DNTT: variants seen among roughly 807,000 people sequenced by gnomAD.
DNTT encodes the protein DNA nucleotidylexotransferase, also known as nucleosidetriphosphate:DNA deoxynucleotidylexotransferase.
DNTT carries 47 observed loss-of-function variants against 60.9 expected under a neutral mutation model. The ratio of observed to expected loss-of-function variants is 0.77; its 90% CI spans 0.61 to 0.98. The LOEUF is 0.98. DNTT is among the 50% of genes least tolerant of loss of function. The pLI, the probability that DNTT is intolerant of heterozygous loss-of-function variation, is 0.00. For missense variants in DNTT, 665 were observed against 627.5 expected (o/e 1.06, Z -0.64); for synonymous variants, 224 against 221.2 (o/e 1.01, Z -0.11).
rs190441764 is a variant in DNTT, at chr10:96,335,595, C to T, written c.1360-296C>T. ...AGGCATTATCCTGGTAGAACGCTCA[C>T]GCTATTCATTTATTCATTCAATAAA... On this transcript the variant is annotated intron_variant, in intron 9 of 10. Coordinates refer to ENST00000371174, the MANE Select transcript of DNTT (RefSeq NM_004088.4). 1.5e-3 allele frequency among the ~76,000 whole-genome samples: 225 copies of T among 152,332 alleles called. 1 individual carries two copies. The highest frequency in any genetic ancestry group is 2.8e-3 in the Non-Finnish European group (190 of 68,034).
At chr10:96,308,863 G>A (rs969086074) in intron 1 of DNTT, among the ~76,000 whole-genome samples, 3 of 152,174 alleles carry the variant, frequency 2.0e-5, no homozygotes, top group South Asian at 4.1e-4. Context: ...AAATACATTC[G>A]TTAGGGTGAG....
chr10:96,305,050 G>A (rs1844618023), intron 1 of DNTT, among the ~76,000 whole-genome samples: 1 of 152,136 alleles, frequency 6.6e-6, no homozygotes, highest in Non-Finnish European at 1.5e-5. Flanking sequence ...AAGTATCACT[G>A]GGTTCAACAA....
At chr10:96,331,679 G>T (rs1307357937) in intron 8 of DNTT, among the ~76,000 whole-genome samples, 2 of 152,188 alleles carry the variant, frequency 1.3e-5, no homozygotes, top group Non-Finnish European at 2.9e-5. Context: ...CAACATTGGG[G>T]ATCAAATTTC....
rs776602782 is a variant in DNTT at position 96,327,596 on chromosome 10, C to T, written c.1003C>T (p.Arg335Trp). The T allele has an allele frequency of 1.9e-5, 30 of 1,612,466 alleles. No homozygotes were observed. Among genetic ancestry groups the T allele is most frequent in the East Asian group, 1.3e-4 (6 of 44,870 alleles). ...DAFVTMTGGFRRGKKMGHDVD... is the reference protein window; with the variant it reads ...DAFVTMTGGFWRGKKMGHDVD... ...TTTCGTCACCATGACAGGAGGGTTC[C>T]GGAGGTAAATAACTTGGGTGGCTTT... Residue 335 changes from arginine to tryptophan, a missense_variant, in exon 7 of 11, where the codon CGG becomes TGG. Transcript: ENST00000371174.
rs1231982915 is a variant in DNTT, at chr10:96,319,221, A to G, written c.379-41A>G. 15 of 1,605,534 alleles carry G rather than the reference A, an allele frequency of 9.3e-6. No individual in the cohort carries two copies. In the East Asian group the frequency reaches 3.1e-4, roughly 33 times the overall value. On this transcript the variant is annotated intron_variant, in intron 2 of 10. Transcript: ENST00000371174. ...TTTTCCGTACATATCTGTTATTACT[A>G]TTAATTTTTATTGAAAATGGATGCT...
chr10:96,329,202 A>G (rs548510835), intron 8 of DNTT, among the ~76,000 whole-genome samples: 1 of 152,370 alleles, frequency 6.6e-6, no homozygotes, highest in South Asian at 2.1e-4. Context: ...AGGACTGCAA[A>G]GACTGGGATA....
intron 8 of DNTT, 122 bp downstream of exon 8, chr10:96,328,952 G>A: frequency 9.8e-7 from 1 of 1,024,756 alleles, no homozygotes; most frequent in South Asian, 1.7e-5. Flanking sequence ...ATTTGTGGCA[G>A]CTTATACAAA....
At chr10:96,313,392 C>T (rs1844744693) in intron 1 of DNTT, among the ~76,000 whole-genome samples, 1 of 151,808 alleles carries the variant, frequency 6.6e-6, no homozygotes, top group Admixed American at 6.6e-5. Context: ...ATATTTTCCC[C>T]CAAGTAGAAA....
chr10:96,329,931 C>A (rs1454220587), intron 8 of DNTT, among the ~76,000 whole-genome samples: 3 of 152,174 alleles, frequency 2.0e-5, no homozygotes, highest in Non-Finnish European at 4.4e-5. Flanking sequence ...CCGCTCTGTA[C>A]CCTGGGGAGG....
At position 96,338,304 on chromosome 10, in the gene DNTT, A is replaced by G; in HGVS notation, c.*80A>G. On this transcript the variant is annotated 3_prime_UTR_variant, in exon 11 of 11. Transcript: ENST00000371174. ...TCATATTAGTAAAAGATGCCATAGG[A>G]GAGTTTGGGGTTATTTAGGTCTTAT... 1 of 1,357,894 alleles carries G rather than the reference A, an allele frequency of 7.4e-7. No homozygotes were observed. Among genetic ancestry groups the G allele is most frequent in the Non-Finnish European group, 1.0e-6 (1 of 979,364 alleles). The allele number at this position is 1,357,894 out of a possible 1,614,324, so 84.1% of individuals were successfully genotyped here.
intron 7 of DNTT, among the ~76,000 whole-genome samples, chr10:96,328,379 A>G (rs1844963448): frequency 6.6e-6 from 1 of 152,200 alleles, no homozygotes; most frequent in Non-Finnish European, 1.5e-5. Flanking sequence ...GCTACCTTGT[A>G]TTATGTGAAT....
At chr10:96,333,196 G>A (rs1845028993) in intron 9 of DNTT, among the ~76,000 whole-genome samples, 1 of 152,150 alleles carries the variant, frequency 6.6e-6, no homozygotes, top group African/African-American at 2.4e-5. Context: ...ACATATAAAT[G>A]GCAAGCAGAT....
At chr10:96,322,023 C>T (rs1247305562) in intron 4 of DNTT, among the ~76,000 whole-genome samples, 1 of 152,082 alleles carries the variant, frequency 6.6e-6, no homozygotes, top group Non-Finnish European at 1.5e-5. Context: ...GGGGGCGCCA[C>T]CTTAGAGCAG....
intron 1 of DNTT, among the ~76,000 whole-genome samples, chr10:96,316,164 C>T (rs1431497736): frequency 6.6e-6 from 1 of 152,154 alleles, no homozygotes; most frequent in East Asian, 1.9e-4. Flanking sequence ...GACGCAACTT[C>T]CTAAATCTGA....
intron 1 of DNTT, among the ~76,000 whole-genome samples, chr10:96,307,705 G>GA (rs1844658512): frequency 1.9e-5 from 1 of 52,882 alleles, no homozygotes; most frequent in Non-Finnish European, 3.5e-5. Flanking sequence ...GTGTGTGTGT[G>GA]TATATATATA....
Position 96,324,538 on chromosome 10 carries a change from C to A in DNTT, c.874+149C>A, listed in dbSNP as rs117035456. ...GCTTGGATCTAAATCCTAGCTCCAGCAGTTTCCAGCTGTGTGATCTTGAGC... is the reference window on the plus strand; with the variant it reads ...GCTTGGATCTAAATCCTAGCTCCAGAAGTTTCCAGCTGTGTGATCTTGAGC... On this transcript the variant is annotated intron_variant, in intron 6 of 10. Coordinates refer to ENST00000371174, the MANE Select transcript of DNTT (RefSeq NM_004088.4). 5.4e-3 allele frequency: 6,932 copies of A among 1,282,630 alleles called. 28 individuals carry two copies. The highest frequency in any genetic ancestry group is 7.7e-3 in the Middle Eastern group (35 of 4,566). The allele number at this position is 1,282,630 out of a possible 1,614,324, so 79.5% of individuals were successfully genotyped here. A position where few individuals can be genotyped will look rare whatever the true frequency, so the allele number is the denominator to read the frequency against.
chr10:96,308,671 G>C (rs980530148), intron 1 of DNTT, among the ~76,000 whole-genome samples: 2 of 152,204 alleles, frequency 1.3e-5, no homozygotes, highest in Non-Finnish European at 1.5e-5. Context: ...GGGTGCAAGC[G>C]AGCTGAGTCT....
intron 8 of DNTT, 84 bp downstream of exon 8, chr10:96,328,914 G>A (rs931507173): frequency 7.7e-7 from 1 of 1,298,706 alleles, no homozygotes; most frequent in Non-Finnish European, 1.1e-6. Context: ...TTATAATTGT[G>A]TAATGACCAT....
intron 6 of DNTT, among the ~76,000 whole-genome samples, chr10:96,327,041 A>G (rs1393333204): frequency 3.3e-5 from 5 of 152,062 alleles, no homozygotes; most frequent in Non-Finnish European, 5.9e-5. Flanking sequence ...ACACACATCT[A>G]CTCTGCTCCT....
Sources: gnomAD v4.1 joint callset for allele counts (sites outside exome capture counted in the v4.1 genomes callset) on GRCh38, gnomAD v4.1.1 for gene constraint, MANE v1.5 for transcripts, NCBI Gene and HGNC (gene_info 2026-07-23, HGNC 2026-07-21) for gene names.